Variants in DCC observed in about 807,000 individuals in gnomAD.
DCC encodes the protein netrin receptor DCC.
In DCC, 58 loss-of-function variants were observed where a neutral mutation model predicts 172.5. The observed-to-expected ratio is 0.34, with a 90% CI of 0.27 to 0.42. The LOEUF is 0.42. Among genes scored for constraint, DCC ranks in the 10% least tolerant of loss-of-function variants. DCC has a pLI of 1.00. For missense variants in DCC, 1,740 were observed against 1,791.0 expected, an observed-to-expected ratio of 0.97 and a Z score of 0.51; for synonymous variants, 709 against 644.5, an observed-to-expected ratio of 1.10 and a Z score of -1.52.
chr18:52,895,275 G>A (rs1307483848), intron 2 of DCC, among the ~76,000 whole-genome samples: 1 of 152,110 alleles, frequency 6.6e-6, no homozygotes, highest in African/African-American at 2.4e-5. Context: ...CATGTGTAAT[G>A]AGATTTTTAG....
intron 12 of DCC, among the ~76,000 whole-genome samples, chr18:53,278,657 T>G (rs1476150214): frequency 6.6e-6 from 1 of 152,182 alleles, no homozygotes; most frequent in African/African-American, 2.4e-5. Flanking sequence ...TTAAAACAAT[T>G]CATTTTCATT....
intron 12 of DCC, among the ~76,000 whole-genome samples, chr18:53,298,694 C>T (rs1310327809): frequency 6.6e-6 from 1 of 151,974 alleles, no homozygotes; most frequent in East Asian, 1.9e-4. Context: ...ACTTTAAAAA[C>T]AGCTGTAGTC....
intron 3 of DCC, among the ~76,000 whole-genome samples, chr18:52,921,661 T>G (rs904465314): frequency 6.6e-6 from 1 of 151,286 alleles, no homozygotes; most frequent in African/African-American, 2.4e-5. Context: ...ATGGCGCCAC[T>G]GCACTCCAGC....
At chr18:53,309,074 C>G (rs2057234914) in intron 13 of DCC, among the ~76,000 whole-genome samples, 1 of 152,012 alleles carries the variant, frequency 6.6e-6, no homozygotes, top group African/African-American at 2.4e-5. Flanking sequence ...GTTTTGCTCT[C>G]TTACCCAGGC....
In DCC at chr18:53,235,777, C is replaced by T. The variant is rs58228019; in HGVS notation, c.1911+20180C>T. Among the ~76,000 whole-genome samples, 238 of 152,232 alleles carry T rather than the reference C, an allele frequency of 1.6e-3. 2 individuals are homozygous for T. Among genetic ancestry groups the T allele is most frequent in the African/African-American group, 5.6e-3 (232 of 41,558 alleles). ...CTACACCTCTTTAACAATACATCGC[C>T]GTTCCCCTCTTCCCTAAGAAACTGG... On this transcript the variant is annotated intron_variant, in intron 12 of 28. Transcript: ENST00000442544.
chr18:52,517,192 G>C (rs531369631), intron 1 of DCC, among the ~76,000 whole-genome samples: 1 of 152,308 alleles, frequency 6.6e-6, no homozygotes, highest in African/African-American at 2.4e-5. Context: ...CATTAATAGA[G>C]TTAAGTGTCT....
At chr18:52,477,448 C>T (rs1019075605) in intron 1 of DCC, among the ~76,000 whole-genome samples, 15 of 152,104 alleles carry the variant, frequency 9.9e-5, no homozygotes, top group South Asian at 6.2e-4. Flanking sequence ...TGAAAATTGT[C>T]GGAATCAAAA....
chr18:53,263,270 G>T (rs1242864549), intron 12 of DCC, among the ~76,000 whole-genome samples: 2 of 152,124 alleles, frequency 1.3e-5, no homozygotes, highest in African/African-American at 4.8e-5. Flanking sequence ...TCCTGCCTCA[G>T]CCTCCGGAGT....
At chr18:52,545,411 T>A (rs539490774) in intron 1 of DCC, among the ~76,000 whole-genome samples, 1 of 152,298 alleles carries the variant, frequency 6.6e-6, no homozygotes, top group East Asian at 1.9e-4. Flanking sequence ...ACTCCACAAC[T>A]GTGAGCCAAT....
chr18:52,501,055 A>G (rs1412855027), intron 1 of DCC, among the ~76,000 whole-genome samples: 1 of 152,182 alleles, frequency 6.6e-6, no homozygotes, highest in Non-Finnish European at 1.5e-5. Flanking sequence ...GATTCCCTCA[A>G]ATAACTGCGT....
intron 27 of DCC, among the ~76,000 whole-genome samples, chr18:53,514,865 G>A (rs1212594223): frequency 6.6e-6 from 1 of 151,818 alleles, no homozygotes; most frequent in East Asian, 1.9e-4. Flanking sequence ...AATTCTACCA[G>A]AGGTACAAGG....
At chr18:52,531,045 C>G (rs1426387726) in intron 1 of DCC, among the ~76,000 whole-genome samples, 1 of 152,190 alleles carries the variant, frequency 6.6e-6, no homozygotes, top group African/African-American at 2.4e-5. Flanking sequence ...ATTTACTGCA[C>G]AGTTCCTGTT....
intron 1 of DCC, among the ~76,000 whole-genome samples, chr18:52,401,977 C>T (rs189594140): frequency 2.0e-5 from 3 of 151,944 alleles, no homozygotes; most frequent in African/African-American, 4.8e-5. Flanking sequence ...CAATTTATAA[C>T]GATATTATAG....
At chr18:52,461,476 T>C (rs552492819) in intron 1 of DCC, among the ~76,000 whole-genome samples, 6 of 151,898 alleles carry the variant, frequency 4.0e-5, no homozygotes, top group Non-Finnish European at 8.8e-5. Flanking sequence ...TTTATTATCA[T>C]TATCACGTAT....
intron 1 of DCC, among the ~76,000 whole-genome samples, chr18:52,694,395 A>C (rs2035978311): frequency 6.6e-6 from 1 of 152,096 alleles, no homozygotes; most frequent in African/African-American, 2.4e-5. Context: ...AAATCCAATA[A>C]AAATCTGAAT....
At chr18:52,539,903 CAAAA>C (rs560557417) in intron 1 of DCC, among the ~76,000 whole-genome samples, 2 of 151,808 alleles carry the variant, frequency 1.3e-5, no homozygotes, top group Non-Finnish European at 2.9e-5. Context: ...ACAACAACAA[CAAAA>C]AAACCCACAA....
chr18:53,468,383 T>A (rs1188163284), intron 25 of DCC, among the ~76,000 whole-genome samples: 45 of 148,144 alleles, frequency 3.0e-4, no homozygotes, highest in African/African-American at 5.4e-4. Context: ...TTATTTATTT[T>A]ATTTATTTAT....
chr18:53,023,133 G>A (rs1599037567), intron 5 of DCC, among the ~76,000 whole-genome samples: 1 of 151,790 alleles, frequency 6.6e-6, no homozygotes, highest in African/African-American at 2.4e-5. Context: ...AATAATAAAT[G>A]TACCATAGTA....
intron 1 of DCC, among the ~76,000 whole-genome samples, chr18:52,455,563 C>T (rs1426819162): frequency 6.6e-6 from 1 of 152,158 alleles, no homozygotes. Context: ...GGCCAGTGGC[C>T]TCCAATTCTA....
Sources: allele counts gnomAD v4.1 joint callset (sites outside exome capture counted in the v4.1 genomes callset), GRCh38; gene constraint gnomAD v4.1.1; transcripts MANE v1.5; gene names NCBI Gene and HGNC (gene_info 2026-07-23, HGNC 2026-07-21).